Variants in BLK observed in about 807,000 individuals in gnomAD.
BLK encodes BLK proto-oncogene, Src family tyrosine kinase.
In BLK, 64 loss-of-function variants were observed where a neutral mutation model predicts 61.8. That is an observed-to-expected ratio of 1.03 (90% confidence interval 0.85 to 1.27). The LOEUF (loss-of-function observed/expected upper bound fraction) is 1.27, where lower values mean the gene tolerates loss of function less well. Among genes scored for constraint, BLK ranks in the 50% most tolerant of loss-of-function variants. The pLI, the probability that BLK is intolerant of heterozygous loss-of-function variation, is 0.00. For synonymous variants in BLK, 351 were observed against 272.0 expected, an observed-to-expected ratio of 1.29 and a Z score of -2.86; for missense variants, 853 against 660.5, an observed-to-expected ratio of 1.29 and a Z score of -3.19.
chr8:11,555,370 T>C lies in BLK; in HGVS notation c.658T>C (p.Cys220Arg), dbSNP rs746873052. Residue 220 changes from cysteine to arginine, a missense_variant, in exon 8 of 13, where the codon TGT becomes CGT. Coordinates refer to ENST00000259089, the MANE Select transcript of BLK (RefSeq NM_001715.3). ...TCTATGCCAGAGGCTGACCCTGCCC[T>C]GTGTGCGCCCGGCCCCGCAGAATCC... Reference protein sequence around the residue: ...DGLCQRLTLPCVRPAPQNPWA... With the variant: ...DGLCQRLTLPRVRPAPQNPWA... The C allele has an allele frequency of 1.9e-6, 3 of 1,614,106 alleles. No individual in the cohort carries two copies. The South Asian group carries it at 3.3e-5, about 18-fold the overall frequency.
At chr8:11,526,394 T>C (rs1016759887) in intron 1 of BLK, among the ~76,000 whole-genome samples, 5 of 152,218 alleles carry the variant, frequency 3.3e-5, no homozygotes, top group Admixed American at 2.6e-4. Context: ...TTTTTTGTTA[T>C]ACTGTTATTT....
At chr8:11,544,387 C>T (rs922143157) in intron 2 of BLK, among the ~76,000 whole-genome samples, 2 of 152,164 alleles carry the variant, frequency 1.3e-5, no homozygotes, top group Non-Finnish European at 2.9e-5. Flanking sequence ...CACATGTCCA[C>T]GTGGTCATCT....
rs71203393 is a variant in BLK at position 11,520,476 on chromosome 8, C to CA, written c.-1-22722dup. ...TGGGCAATGGAGCAAGACCTTGTCT[C>CA]AAAAAAAAAAAAAAAAAAAAAAAAA... On this transcript the variant is annotated intron_variant, in intron 1 of 12. Coordinates refer to ENST00000259089, the MANE Select transcript of BLK (RefSeq NM_001715.3). 7.0e-3 allele frequency among the ~76,000 whole-genome samples: 487 copies of CA among 69,642 alleles called. 17 individuals carry two copies. The highest frequency in any genetic ancestry group is 0.013 in the South Asian group (24 of 1,808). 45.7% of individuals were successfully genotyped at this position (69,642 alleles called of 152,430 possible).
At chr8:11,542,536 G>A (rs1012054182) in intron 1 of BLK, among the ~76,000 whole-genome samples, 2 of 152,208 alleles carry the variant, frequency 1.3e-5, no homozygotes, top group Non-Finnish European at 2.9e-5. Flanking sequence ...CCCCTGGAAT[G>A]AGGATGGTGA....
chr8:11,563,761 G>A (rs1801598559), intron 12 of BLK, 142 bp from the exon 13 acceptor site: 3 of 766,826 alleles, frequency 3.9e-6, no homozygotes, highest in African/African-American at 1.8e-5. Context: ...GCCAGGCAAC[G>A]CACGAGGCTG....
At chr8:11,540,293 T>C (rs563821615) in intron 1 of BLK, among the ~76,000 whole-genome samples, 1 of 152,302 alleles carries the variant, frequency 6.6e-6, no homozygotes, top group South Asian at 2.1e-4. Context: ...AACTATCCAC[T>C]TTCTACTGAA....
At chr8:11,555,104 G>A (rs1801135760) in intron 7 of BLK, among the ~76,000 whole-genome samples, 1 of 152,184 alleles carries the variant, frequency 6.6e-6, no homozygotes, top group Non-Finnish European at 1.5e-5. Flanking sequence ...AGAGTAGCAA[G>A]CATTTTCAGT....
intron 1 of BLK, among the ~76,000 whole-genome samples, chr8:11,530,186 G>C (rs1042082599): frequency 6.6e-6 from 1 of 152,042 alleles, no homozygotes; most frequent in Non-Finnish European, 1.5e-5. Flanking sequence ...TTTTTCATAA[G>C]GAATCTCAGA....
intron 2 of BLK, chr8:11,545,783 T>A (rs1585391933): frequency 3.9e-6 from 2 of 513,326 alleles, no homozygotes; most frequent in East Asian, 6.4e-5. Flanking sequence ...TGGTTGGGCT[T>A]TCCCTCATTG....
At chr8:11,520,492 A>G (rs1247822502) in intron 1 of BLK, among the ~76,000 whole-genome samples, 1 of 150,246 alleles carries the variant, frequency 6.7e-6, no homozygotes, top group East Asian at 1.9e-4. Context: ...AAAAAAAAAA[A>G]AAAAAAAAAA....
At chr8:11,554,090 T>C (rs983493923) in intron 6 of BLK, 1 of 155,274 alleles carries the variant, frequency 6.4e-6, no homozygotes, top group African/African-American at 2.4e-5. Context: ...GACAGACGCA[T>C]TTTATAAAAA....
chr8:11,562,753 T>C (rs901897935), intron 11 of BLK, among the ~76,000 whole-genome samples: 6 of 152,228 alleles, frequency 3.9e-5, no homozygotes, highest in Non-Finnish European at 7.3e-5. Flanking sequence ...TGTGTGGTAT[T>C]GGTGTCCATA....
At chr8:11,494,853 A>T (rs1798306472) in intron 1 of BLK, among the ~76,000 whole-genome samples, 1 of 152,264 alleles carries the variant, frequency 6.6e-6, no homozygotes, top group Non-Finnish European at 1.5e-5. Flanking sequence ...TGAATGTGCC[A>T]CAGAGGAGAG....
chr8:11,547,081 G>T (rs1318517781), intron 3 of BLK, among the ~76,000 whole-genome samples: 1 of 152,228 alleles, frequency 6.6e-6, no homozygotes, highest in East Asian at 1.9e-4. Flanking sequence ...CCATTAACCT[G>T]CTCATATGAT....
At chr8:11,514,028 C>T (rs913244710) in intron 1 of BLK, among the ~76,000 whole-genome samples, 2 of 152,156 alleles carry the variant, frequency 1.3e-5, no homozygotes, top group Non-Finnish European at 2.9e-5. Context: ...ACATTGAACC[C>T]AATAAAACTC....
At chr8:11,545,314 C>A (rs577705544) in intron 2 of BLK, among the ~76,000 whole-genome samples, 1 of 152,062 alleles carries the variant, frequency 6.6e-6, no homozygotes, top group African/African-American at 2.4e-5. Context: ...TTTGGGAGGC[C>A]GAGGTGGGAG....
intron 10 of BLK, 83 bp downstream of exon 10, chr8:11,558,121 C>G: frequency 7.3e-7 from 1 of 1,377,130 alleles, no homozygotes; most frequent in Admixed American, 1.7e-5. Context: ...ACCACCCCAT[C>G]CTCTCAGCCA....
intron 1 of BLK, among the ~76,000 whole-genome samples, chr8:11,521,671 A>C (rs1002208365): frequency 6.6e-6 from 1 of 152,178 alleles, no homozygotes; most frequent in African/African-American, 2.4e-5. Flanking sequence ...GTGAAGAAAA[A>C]AGTTTTCTCA....
intron 4 of BLK, among the ~76,000 whole-genome samples, chr8:11,548,553 T>A (rs796536233): frequency 2.0e-5 from 3 of 152,310 alleles, no homozygotes; most frequent in African/African-American, 7.2e-5. Flanking sequence ...CCCATGTCCT[T>A]CTCAGAAACT....
Sources: gnomAD v4.1 joint callset for allele counts (sites outside exome capture counted in the v4.1 genomes callset) on GRCh38, gnomAD v4.1.1 for gene constraint, MANE v1.5 for transcripts, NCBI Gene and HGNC (gene_info 2026-07-23, HGNC 2026-07-21) for gene names.